Variants in SND1 observed in about 807,000 individuals in gnomAD.
The protein encoded by SND1 is staphylococcal nuclease domain-containing protein 1.
SND1 carries 38 observed loss-of-function variants against 121.7 expected under a neutral mutation model. That is an observed-to-expected ratio of 0.31 (90% CI 0.24 to 0.41). The LOEUF is 0.41. Among genes scored for constraint, SND1 ranks in the 10% least tolerant of loss-of-function variants. The pLI is 1.00. For missense variants in SND1, 868 were observed against 1,184.6 expected (o/e 0.73, Z 3.92); for synonymous variants, 401 against 447.4 (o/e 0.90, Z 1.31).
chr7:128,021,823 A>C (rs1216437169), intron 16 of SND1, among the ~76,000 whole-genome samples: 1 of 152,230 alleles, frequency 6.6e-6, no homozygotes, highest in Non-Finnish European at 1.5e-5. Flanking sequence ...GTTATGGCAG[A>C]TGAGTGTACT....
At chr7:127,932,628 CT>C (rs752729060) in intron 15 of SND1, among the ~76,000 whole-genome samples, 63 of 152,284 alleles carry the variant, frequency 4.1e-4, no homozygotes, top group Admixed American at 1.0e-3. Context: ...CAGAGAAATA[CT>C]TTGTGAAAGG....
chr7:127,896,432 A>G (rs1378100153), intron 13 of SND1, among the ~76,000 whole-genome samples: 4 of 152,116 alleles, frequency 2.6e-5, no homozygotes, highest in Non-Finnish European at 5.9e-5. Context: ...TGGCTCTCAG[A>G]CCAGGCACAT....
At chr7:127,762,899 A>G (rs1797331641) in intron 10 of SND1, among the ~76,000 whole-genome samples, 1 of 152,254 alleles carries the variant, frequency 6.6e-6, no homozygotes, top group African/African-American at 2.4e-5. Context: ...CATGCAGTCA[A>G]GCTGGCTAAA....
chr7:128,059,257 A>G (rs1428548324), intron 16 of SND1, among the ~76,000 whole-genome samples: 1 of 152,110 alleles, frequency 6.6e-6, no homozygotes, highest in Non-Finnish European at 1.5e-5. Context: ...GAACCCCCCT[A>G]GTACCTGCTG....
At chr7:127,978,672 C>T (rs771968871) in intron 15 of SND1, among the ~76,000 whole-genome samples, 1 of 152,198 alleles carries the variant, frequency 6.6e-6, no homozygotes, top group Non-Finnish European at 1.5e-5. Flanking sequence ...TTCTAGGTCA[C>T]ATGACCATAA....
At chr7:127,718,509 C>G in intron 9 of SND1, 2 of 944,072 alleles carry the variant, frequency 2.1e-6, no homozygotes, top group Non-Finnish European at 2.5e-6. Context: ...CATGCACTCA[C>G]CCTTCCTATC....
At position 128,091,853 on chromosome 7, in the gene SND1, A is replaced by G; in HGVS notation, c.2639A>G (p.Asn880Ser). ...TCCCTCCAGATCACAGAATACCTGA[A>G]TGCCCAAGAGTCAGCCAAGAGCGCC... ...QFQKVITEYL[N>S]AQESAKSARL... Residue 880 changes from asparagine to serine, a missense_variant, in exon 23 of 24, where the codon AAT (asparagine) becomes AGT (serine). By Grantham distance (46) the Asn-to-Ser change is conservative (BLOSUM62 1). Around this residue, in one of 2 missense-constraint regions of SND1, gnomAD observed 743 missense variants for 1,071.3 expected, o/e 0.69. Transcript: ENST00000354725. The G allele has an allele frequency of 6.2e-7, 1 of 1,614,168 alleles. No individual in the cohort carries two copies. Among genetic ancestry groups the G allele is most frequent in the Non-Finnish European group, 8.5e-7 (1 of 1,180,036 alleles).
At chr7:127,969,877 C>T (rs192350510) in intron 15 of SND1, among the ~76,000 whole-genome samples, 50 of 152,308 alleles carry the variant, frequency 3.3e-4, no homozygotes, top group East Asian at 5.8e-4. Flanking sequence ...TTATAATCCC[C>T]GTGATCTAGG....
At chr7:127,747,031 G>T (rs1435216121) in intron 10 of SND1, among the ~76,000 whole-genome samples, 2 of 152,122 alleles carry the variant, frequency 1.3e-5, no homozygotes, top group African/African-American at 2.4e-5. Context: ...CTTACATTGG[G>T]GATAATTGAG....
At chr7:127,721,487 A>T in intron 10 of SND1, 87 bp downstream of exon 10, 1 of 680,970 alleles carries the variant, frequency 1.5e-6, no homozygotes, top group Non-Finnish European at 2.6e-6. Flanking sequence ...TATATAATAC[A>T]TATATGTGGG....
At chr7:127,875,519 A>G (rs1210357280) in intron 12 of SND1, among the ~76,000 whole-genome samples, 1 of 152,110 alleles carries the variant, frequency 6.6e-6, no homozygotes, top group Non-Finnish European at 1.5e-5. Flanking sequence ...ATTGTAGAAT[A>G]CCTTTAATAG....
At chr7:127,984,548 G>A (rs1031360835) in intron 15 of SND1, among the ~76,000 whole-genome samples, 10 of 152,132 alleles carry the variant, frequency 6.6e-5, no homozygotes, top group African/African-American at 1.4e-4. Context: ...GTGTGTTTAC[G>A]TTTTTCAGAA....
rs2116964753 is a variant in SND1, at chr7:128,021,854, G to C, written c.1779+30798G>C. On this transcript the variant is annotated intron_variant, in intron 16 of 23. Transcript: ENST00000354725. ...GTACTCAAATGGGGAATATGGGACA[G>C]GAAACCTGATACAATAATTAATTGA... 1.3e-5 allele frequency among the ~76,000 whole-genome samples: 2 copies of C among 152,320 alleles called. 1 individual carries two copies. The highest frequency in any genetic ancestry group is 4.1e-4 in the South Asian group (2 of 4,830).
At chr7:128,022,204 C>CAAAA (rs58371490) in intron 16 of SND1, among the ~76,000 whole-genome samples, 74 of 73,782 alleles carry the variant, frequency 1.0e-3, no homozygotes, top group East Asian at 1.9e-3. Context: ...GACTCTCTCT[C>CAAAA]AAAAAAAAAA....
chr7:127,941,176 G>C (rs111578810), intron 15 of SND1, among the ~76,000 whole-genome samples: 176 of 152,270 alleles, frequency 1.2e-3, no homozygotes, highest in African/African-American at 3.7e-3. Context: ...TTACTTAAAT[G>C]ACCCTCTTAA....
chr7:128,021,488 G>A (rs75789733), intron 16 of SND1, among the ~76,000 whole-genome samples: 2,729 of 152,308 alleles, frequency 0.018, 35 homozygotes, highest in Non-Finnish European at 0.03. Context: ...TGAGTGGGCA[G>A]GTAAAGGGAG....
intron 7 of SND1, among the ~76,000 whole-genome samples, chr7:127,703,556 A>G (rs1273344733): frequency 6.6e-6 from 1 of 152,180 alleles, no homozygotes; most frequent in Non-Finnish European, 1.5e-5. Context: ...TACTAAAAAT[A>G]CAAAAATTAG....
At chr7:127,932,682 C>T (rs1220627005) in intron 15 of SND1, among the ~76,000 whole-genome samples, 2 of 137,620 alleles carry the variant, frequency 1.5e-5, no homozygotes, top group Non-Finnish European at 3.3e-5. Flanking sequence ...TTTTTTGCCA[C>T]AGCCACCACC....
intron 10 of SND1, among the ~76,000 whole-genome samples, chr7:127,740,482 G>A (rs2116432619): frequency 6.6e-6 from 1 of 152,288 alleles, no homozygotes; most frequent in East Asian, 1.9e-4. Context: ...TGTGTATCAA[G>A]CAGCAGAACC....
Sources: allele counts gnomAD v4.1 joint callset (sites outside exome capture counted in the v4.1 genomes callset), GRCh38; gene constraint gnomAD v4.1.1; regional missense constraint gnomAD v4.1.1; transcripts MANE v1.5; gene names NCBI Gene and HGNC (gene_info 2026-07-23, HGNC 2026-07-21).